The following TRAPPC9 variants were observed in gnomAD, a reference collection of about 807,000 sequenced individuals.
TRAPPC9 encodes trafficking protein particle complex subunit 9.
Under a neutral mutation model 124.0 loss-of-function variants are expected in TRAPPC9, and 83 were observed. The observed-to-expected ratio is 0.67, with a 90% CI of 0.56 to 0.80. TRAPPC9 has a LOEUF of 0.80. TRAPPC9 is among the 30% of genes least tolerant of loss of function. The pLI is 0.00. For missense variants in TRAPPC9, 1,302 were observed against 1,508.3 expected (o/e 0.86, Z 2.27); for synonymous variants, 638 against 617.5 (o/e 1.03, Z -0.49).
At chr8:140,137,444 T>A (rs904065071) in intron 17 of TRAPPC9, among the ~76,000 whole-genome samples, 1 of 151,464 alleles carries the variant, frequency 6.6e-6, no homozygotes, top group African/African-American at 2.5e-5. Flanking sequence ...AAAGTCCAGA[T>A]CACTCTGGAG....
intron 1 of TRAPPC9, among the ~76,000 whole-genome samples, chr8:140,456,347 G>A (rs968044188): frequency 4.6e-5 from 7 of 151,772 alleles, no homozygotes; most frequent in African/African-American, 1.7e-4. Context: ...AGGAGGCGGA[G>A]GGTGCAGTGA....
chr8:139,780,872 CA>C (rs1388998029), intron 21 of TRAPPC9, among the ~76,000 whole-genome samples: 4 of 151,584 alleles, frequency 2.6e-5, no homozygotes. Context: ...GGTGAACAGA[CA>C]TTTCAACAAA....
At chr8:139,929,724 C>T (rs1386159661) in intron 19 of TRAPPC9, among the ~76,000 whole-genome samples, 4 of 152,250 alleles carry the variant, frequency 2.6e-5, no homozygotes, top group East Asian at 3.8e-4. Flanking sequence ...GCCATGCACC[C>T]GACACATAGG....
chr8:139,747,985 T>C (rs1378804004), intron 21 of TRAPPC9, among the ~76,000 whole-genome samples: 1 of 38,762 alleles, frequency 2.6e-5, no homozygotes, highest in African/African-American at 2.0e-4. Flanking sequence ...TCAGAGAAGA[T>C]GCAGGGGGTA....
chr8:140,064,270 T>G (rs1842788646), intron 17 of TRAPPC9, among the ~76,000 whole-genome samples: 1 of 152,198 alleles, frequency 6.6e-6, no homozygotes, highest in South Asian at 2.1e-4. Flanking sequence ...TCAGCTTTCT[T>G]TTACCTTTTC....
At chr8:139,937,883 G>C (rs1442723026) in intron 19 of TRAPPC9, among the ~76,000 whole-genome samples, 1 of 152,186 alleles carries the variant, frequency 6.6e-6, no homozygotes, top group African/African-American at 2.4e-5. Context: ...ACACGCTCTG[G>C]TGCCCGCTGT....
intron 17 of TRAPPC9, among the ~76,000 whole-genome samples, chr8:140,032,848 G>A (rs535602277): frequency 6.6e-6 from 1 of 152,292 alleles, no homozygotes; most frequent in East Asian, 1.9e-4. Context: ...CATGTTAACA[G>A]CCATGCTTGA....
intron 8 of TRAPPC9, among the ~76,000 whole-genome samples, chr8:140,365,381 G>A (rs2132208633): frequency 6.6e-6 from 1 of 152,302 alleles, no homozygotes; most frequent in South Asian, 2.1e-4. Context: ...CATGGCACGT[G>A]GAACGCGTGG....
At chr8:140,405,204 A>T (rs1186175310) in intron 6 of TRAPPC9, 4 of 168,470 alleles carry the variant, frequency 2.4e-5, no homozygotes, top group Non-Finnish European at 5.1e-5. Context: ...AGATTTCAAC[A>T]GCATAGAAAA....
chr8:139,924,295 C>T (rs1299522086), intron 19 of TRAPPC9, among the ~76,000 whole-genome samples: 3 of 152,212 alleles, frequency 2.0e-5, no homozygotes, highest in Non-Finnish European at 4.4e-5. Flanking sequence ...ACAGAGCATG[C>T]ACCTGATGGC....
Position 140,210,442 on chromosome 8 carries a change from G to A in TRAPPC9, c.2556+11017C>T, listed in dbSNP as rs949924222. On this transcript the variant is annotated intron_variant, in intron 17 of 22. Coordinates refer to ENST00000438773, the MANE Select transcript of TRAPPC9 (RefSeq NM_001160372.4). ...GCGGCTGCTGCTGCTGGAGGGAAGT[G>A]GGGGGTTCCTCCACTCTCTCTGGAC... Among the ~76,000 whole-genome samples, 9 of 152,154 alleles carry A rather than the reference G, an allele frequency of 5.9e-5. No individual in the cohort carries two copies. The South Asian group carries it at 1.0e-3, about 17-fold the overall frequency.
chr8:140,179,574 T>C (rs2062152186), intron 17 of TRAPPC9, among the ~76,000 whole-genome samples: 2 of 152,128 alleles, frequency 1.3e-5, no homozygotes, highest in South Asian at 2.1e-4. Flanking sequence ...AATCTAGAAA[T>C]GTGAACTAGA....
chr8:140,261,139 C>T (rs759902587), intron 15 of TRAPPC9, among the ~76,000 whole-genome samples: 6 of 152,154 alleles, frequency 3.9e-5, no homozygotes, highest in Non-Finnish European at 7.3e-5. Context: ...GGACTTTCTG[C>T]GGCACCTGGC....
chr8:140,348,497 G>A (rs1459628188), intron 9 of TRAPPC9, among the ~76,000 whole-genome samples: 1 of 151,962 alleles, frequency 6.6e-6, no homozygotes, highest in Non-Finnish European at 1.5e-5. Flanking sequence ...GGCTGACCCA[G>A]GAAGCCCCCT....
At chr8:140,293,900 T>C (rs971727162) in intron 11 of TRAPPC9, among the ~76,000 whole-genome samples, 2 of 151,738 alleles carry the variant, frequency 1.3e-5, no homozygotes, top group African/African-American at 4.8e-5. Context: ...ATTAATTAAT[T>C]AATACAGTGC....
chr8:140,025,414 C>G (rs1252212053), intron 17 of TRAPPC9, among the ~76,000 whole-genome samples: 1 of 152,090 alleles, frequency 6.6e-6, no homozygotes, highest in Non-Finnish European at 1.5e-5. Flanking sequence ...CAACAGAGAC[C>G]ATATGCGGCT....
chr8:139,755,945 TCGCAGGAGGAGCCAGGG>T (rs1280688553), intron 21 of TRAPPC9, among the ~76,000 whole-genome samples: 3 of 128,442 alleles, frequency 2.3e-5, no homozygotes, highest in South Asian at 5.3e-4. Context: ...GGACCGCAGG[TCGCAGGAGGAGCCAGGG>T]TTTGGGGATG....
At chr8:139,969,565 C>A (rs1383436690) in intron 19 of TRAPPC9, among the ~76,000 whole-genome samples, 1 of 152,212 alleles carries the variant, frequency 6.6e-6, no homozygotes, top group Non-Finnish European at 1.5e-5. Flanking sequence ...AATGGGCTAG[C>A]AGGAATATGA....
intron 19 of TRAPPC9, among the ~76,000 whole-genome samples, chr8:139,921,227 A>T (rs1832484637): frequency 6.6e-6 from 1 of 152,244 alleles, no homozygotes; most frequent in Admixed American, 6.5e-5. Context: ...GAGGGCAGGC[A>T]GTCATCACAT....
Sources: gnomAD v4.1 joint callset for allele counts (sites outside exome capture counted in the v4.1 genomes callset) on GRCh38, gnomAD v4.1.1 for gene constraint, MANE v1.5 for transcripts, NCBI Gene and HGNC (gene_info 2026-07-23, HGNC 2026-07-21) for gene names.